Variants in UTRN observed in about 807,000 individuals in gnomAD.
The protein encoded by UTRN is utrophin.
Under a neutral mutation model 463.9 loss-of-function variants are expected in UTRN, and 283 were observed. The observed-to-expected ratio is 0.61, with a 90% CI of 0.55 to 0.67. The LOEUF (loss-of-function observed/expected upper bound fraction) is 0.67, where lower values mean the gene tolerates loss of function less well. Ranked by LOEUF, UTRN falls within the 30% of genes least tolerant of loss-of-function variation. UTRN has a pLI of 0.00. For synonymous variants in UTRN, 1,442 were observed against 1,431.5 expected (o/e 1.01, Z -0.17); for missense variants, 3,922 against 4,084.3 (o/e 0.96, Z 1.08).
At chr6:144,846,430 C>G (rs143503054) in intron 73 of UTRN, among the ~76,000 whole-genome samples, 2 of 152,284 alleles carry the variant, frequency 1.3e-5, no homozygotes, top group African/African-American at 4.8e-5. Flanking sequence ...TCAGTGGTCC[C>G]TTGGTCAGAA....
chr6:144,553,012 A>G (rs1452536082), intron 48 of UTRN, among the ~76,000 whole-genome samples: 1 of 152,218 alleles, frequency 6.6e-6, no homozygotes, highest in East Asian at 1.9e-4. Context: ...ATGTAAGTAT[A>G]ACTTAAGGCC....
At chr6:144,504,814 G>C (rs1323512105) in intron 34 of UTRN, among the ~76,000 whole-genome samples, 3 of 152,158 alleles carry the variant, frequency 2.0e-5, no homozygotes, top group Admixed American at 1.3e-4. Flanking sequence ...CTATTGTTTG[G>C]AATAGTTTCA....
At chr6:144,505,946 G>T (rs893337690) in intron 34 of UTRN, among the ~76,000 whole-genome samples, 3 of 152,148 alleles carry the variant, frequency 2.0e-5, no homozygotes, top group Non-Finnish European at 4.4e-5. Flanking sequence ...CCTGTATTGG[G>T]TGCATATATA....
intron 33 of UTRN, among the ~76,000 whole-genome samples, chr6:144,496,590 C>T (rs961083914): frequency 6.6e-6 from 1 of 152,064 alleles, no homozygotes; most frequent in Non-Finnish European, 1.5e-5. Context: ...TTCACTCAAT[C>T]GAGATTTTAC....
Position 144,793,880 on chromosome 6 carries a change from G to A in UTRN, c.8967G>A (p.Arg2989=). 6.2e-7 allele frequency: 1 copy of A among 1,614,124 alleles called. No homozygotes were observed. Among genetic ancestry groups the A allele is most frequent in the African/African-American group, 1.3e-5 (1 of 75,036 alleles). Residue 2989 remains arginine (R), a synonymous_variant, in exon 63 of 75, where the codon AGG becomes AGA. Coordinates refer to ENST00000367545, the MANE Select transcript of UTRN (RefSeq NM_007124.3). ...VAGPTEMCDQ[R]QLGLLLHDAI... ...GGCCAACAGAAATGTGTGACCAGAGGCAGCTGGGCCTGTTACTTCATGATG... is the reference window on the plus strand; with the variant it reads ...GGCCAACAGAAATGTGTGACCAGAGACAGCTGGGCCTGTTACTTCATGATG...
chr6:144,350,303 A>G (rs1346084008), intron 2 of UTRN, among the ~76,000 whole-genome samples: 5 of 152,206 alleles, frequency 3.3e-5, no homozygotes, highest in Admixed American at 6.5e-5. Context: ...ACAAAGTAGA[A>G]AACTGTCATT....
intron 48 of UTRN, among the ~76,000 whole-genome samples, chr6:144,552,589 T>C (rs1231408962): frequency 1.3e-5 from 2 of 152,224 alleles, no homozygotes; most frequent in African/African-American, 4.8e-5. Flanking sequence ...CCATTGAATG[T>C]ACACACTCTA....
chr6:144,678,519 T>C lies in UTRN; in HGVS notation c.7593T>C (p.His2531=). 1 of 1,612,968 alleles carries C rather than the reference T, an allele frequency of 6.2e-7. No homozygotes were observed. ...GNSEEATMLQ[H]RLDDMNQRWN... ...CTGAAGAGGCTACTATGCTTCAACA[T>C]CGACTGGATGATATGAACCAAAGAT... is the stretch of plus-strand genomic sequence containing the variant. Residue 2531 remains histidine (H), a synonymous_variant, in exon 52 of 75, where the codon CAT becomes CAC. Transcript: ENST00000367545.
intron 2 of UTRN, among the ~76,000 whole-genome samples, chr6:144,309,832 T>C (rs1806085381): frequency 1.3e-5 from 2 of 152,206 alleles, no homozygotes; most frequent in African/African-American, 4.8e-5. Flanking sequence ...AGGACCCTGT[T>C]TATCCTGCCT....
chr6:144,365,196 C>T (rs1295981399), intron 2 of UTRN, among the ~76,000 whole-genome samples: 1 of 152,190 alleles, frequency 6.6e-6, no homozygotes, highest in African/African-American at 2.4e-5. Flanking sequence ...GATAATTCTC[C>T]AATCATTCCT....
In UTRN at chr6:144,516,379, G is replaced by T; in HGVS notation, c.5395G>T (p.Asp1799Tyr). 1 of 1,612,698 alleles carries T rather than the reference G, an allele frequency of 6.2e-7. No individual in the cohort carries two copies. The change falls in exon 38 of 75, where the codon GAT becomes TAT. Residue 1799 changes from aspartate (D) to tyrosine (Y), a missense_variant. This residue lies in a region of UTRN where 2,349 missense variants were observed against 2,303.8 expected (regional missense o/e 1.02). Coordinates refer to ENST00000367545, the MANE Select transcript of UTRN (RefSeq NM_007124.3). ...AAAACACTTGGAATCCAGTGATGAA[G>T]ATGAAAAGGTTGGTTCAAGGAGATT... ...VEKHLESSDE[D>Y]EKMDEESAQI...
At chr6:144,409,975 T>C (rs771550620) in intron 3 of UTRN, among the ~76,000 whole-genome samples, 7 of 152,144 alleles carry the variant, frequency 4.6e-5, no homozygotes, top group African/African-American at 7.2e-5. Flanking sequence ...GAAAGAACAA[T>C]GAACACTTGT....
chr6:144,813,471 G>A (rs1238283616), intron 65 of UTRN, among the ~76,000 whole-genome samples: 4 of 152,014 alleles, frequency 2.6e-5, no homozygotes, highest in Non-Finnish European at 5.9e-5. Flanking sequence ...TACAGGCATG[G>A]GCCACCACAC....
At chr6:144,845,403 C>A (rs6900570) in intron 73 of UTRN, among the ~76,000 whole-genome samples, 7,903 of 152,016 alleles carry the variant, frequency 0.052, 210 homozygotes, top group Middle Eastern at 0.096. Context: ...TATTTTTGAC[C>A]CACAGGCATA....
chr6:144,410,865 C>T (rs1783839677), intron 3 of UTRN, among the ~76,000 whole-genome samples: 2 of 151,770 alleles, frequency 1.3e-5, no homozygotes, highest in Admixed American at 1.3e-4. Context: ...GATCGATGGG[C>T]ATTTGGGCTG....
chr6:144,552,488 AT>A (rs1342267842), intron 48 of UTRN, among the ~76,000 whole-genome samples: 1 of 151,762 alleles, frequency 6.6e-6, no homozygotes, highest in Non-Finnish European at 1.5e-5. Context: ...TTTAATTATT[AT>A]TTTTTCCATC....
intron 2 of UTRN, among the ~76,000 whole-genome samples, chr6:144,373,600 G>A (rs529114257): frequency 3.9e-5 from 6 of 152,210 alleles, no homozygotes; most frequent in African/African-American, 1.2e-4. Context: ...GATGATTGTC[G>A]CACAACTTTG....
At chr6:144,345,098 T>C (rs1056615545) in intron 2 of UTRN, among the ~76,000 whole-genome samples, 6 of 152,244 alleles carry the variant, frequency 3.9e-5, no homozygotes, top group Non-Finnish European at 7.3e-5. Context: ...GTTGGTTTTC[T>C]TTTTCAATGT....
At chr6:144,622,175 TTTTTTGTTG>T (rs1289397561) in intron 51 of UTRN, among the ~76,000 whole-genome samples, 68 of 134,234 alleles carry the variant, frequency 5.1e-4, no homozygotes, top group African/African-American at 2.0e-3. Context: ...GTATCCATTT[TTTTTTGTTG>T]TTTTTTTTTT....
Sources: allele counts gnomAD v4.1 joint callset (sites outside exome capture counted in the v4.1 genomes callset), GRCh38; gene constraint gnomAD v4.1.1; regional missense constraint gnomAD v4.1.1; transcripts MANE v1.5; gene names NCBI Gene and HGNC (gene_info 2026-07-23, HGNC 2026-07-21).